CD34: variants seen among roughly 807,000 people sequenced by gnomAD.
CD34 encodes CD34 molecule.
In CD34, 34 loss-of-function variants were observed where a neutral mutation model predicts 40.1. The ratio of observed to expected loss-of-function variants is 0.85; its 90% CI spans 0.65 to 1.13. The LOEUF (loss-of-function observed/expected upper bound fraction) is 1.13, where lower values mean the gene tolerates loss of function less well. Among genes scored for constraint, CD34 ranks in the 50% most tolerant of loss-of-function variants. The pLI is 0.00. For missense variants in CD34, 426 were observed against 466.9 expected (o/e 0.91, Z 0.81); for synonymous variants, 209 against 190.0 (o/e 1.10, Z -0.82).
chr1:207,901,008 T>TC (rs1662262383), intron 1 of CD34, among the ~76,000 whole-genome samples: 1 of 151,206 alleles, frequency 6.6e-6, no homozygotes, highest in Non-Finnish European at 1.5e-5. Context: ...TTTTTTTTTT[T>TC]TTTTTTAAGA....
rs1558117845 is a variant in CD34, at chr1:207,889,620, GC to G, written c.598del (p.Ala200ArgfsTer39). On this transcript the variant is annotated frameshift_variant and splice_region_variant, in exon 5 of 8. Transcript: ENST00000310833. LOFTEE classifies it high-confidence loss of function. ...CTCTCCCCTGTCCTTCTTAAACTCC[GC>G]CTGGGAAGACAGAGAAACATGGAGA... ...CLEQNKTSSCAEFKKDRGEGL... is the reference protein window; with the variant it reads ...CLEQNKTSSCXEFKKDRGEGL... The G allele has an allele frequency of 6.2e-7, 1 of 1,612,202 alleles. No individual in the cohort carries two copies. Among genetic ancestry groups the G allele is most frequent in the Non-Finnish European group, 8.5e-7 (1 of 1,179,190 alleles).
intron 5 of CD34, 121 bp downstream of exon 5, chr1:207,889,344 G>A (rs530615997): frequency 2.6e-6 from 4 of 1,540,812 alleles, no homozygotes; most frequent in East Asian, 4.5e-5. Context: ...CCCAAAGCCA[G>A]CCAAGTCCTT....
In CD34 at chr1:207,888,708, T is replaced by C. The variant is rs373446184; in HGVS notation, c.946A>G (p.Ser316Gly). The change falls in exon 7 of 8, where the codon AGC becomes GGC. Residue 316 changes from serine (S) to glycine (G), a missense_variant. Coordinates refer to ENST00000310833, the MANE Select transcript of CD34 (RefSeq NM_001025109.2). ...AGCCTTTCTCCTGTGGGGCTCCAGCTGCGGCGATTCATCAGGAAATAGCCA... is the reference window on the plus strand; with the variant it reads ...AGCCTTTCTCCTGTGGGGCTCCAGCCGCGGCGATTCATCAGGAAATAGCCA... ...ITGYFLMNRR[S>G]WSPTGERLGE... 6.2e-7 allele frequency: 1 copy of C among 1,614,222 alleles called. No individual in the cohort carries two copies. Among genetic ancestry groups the C allele is most frequent in the Non-Finnish European group, 8.5e-7 (1 of 1,180,038 alleles).
intron 4 of CD34, chr1:207,889,915 C>T: frequency 6.7e-7 from 1 of 1,491,732 alleles, no homozygotes; most frequent in Non-Finnish European, 8.9e-7. Flanking sequence ...TACACATATG[C>T]AAATTAAACT....
In CD34 at chr1:207,899,124, G is replaced by A. The variant is rs754126325; in HGVS notation, c.365C>T (p.Thr122Ile). 1 of 1,614,234 alleles carries A rather than the reference G, an allele frequency of 6.2e-7. No homozygotes were observed. The highest frequency in any genetic ancestry group is 1.1e-5 in the South Asian group (1 of 91,088). ...TGGAGTTGAAACGTTGGCTGGGGTG[G>A]TGAACACTGTGCTGATTACAGAGGT... ...SQTSVISTVFTTPANVSTPET... is the reference protein window; with the variant it reads ...SQTSVISTVFITPANVSTPET... The change falls in exon 3 of 8, where the codon ACC (threonine) becomes ATC (isoleucine). Residue 122 changes from threonine (T) to isoleucine (I), a missense_variant. Thr to Ile is a moderately conservative substitution (Grantham distance 89). Coordinates refer to ENST00000310833, the MANE Select transcript of CD34 (RefSeq NM_001025109.2).
chr1:207,910,858 G>GT, intron 1 of CD34, 144 bp downstream of exon 1: 1 of 817,992 alleles, frequency 1.2e-6, no homozygotes, highest in Non-Finnish European at 1.9e-6. Context: ...TGGCCCCGGG[G>GT]GGAAGCAGCT....
chr1:207,910,859 G>GT, intron 1 of CD34, 143 bp downstream of exon 1: 2 of 823,964 alleles, frequency 2.4e-6, no homozygotes, highest in Non-Finnish European at 3.8e-6. Flanking sequence ...GGCCCCGGGG[G>GT]GAAGCAGCTG....
chr1:207,906,966 C>T (rs959151626), intron 1 of CD34, among the ~76,000 whole-genome samples: 1 of 152,162 alleles, frequency 6.6e-6, no homozygotes, highest in Non-Finnish European at 1.5e-5. Context: ...GTCACCTCTT[C>T]CTCCATTTTA....
chr1:207,910,692 C>T (rs1662490166), intron 1 of CD34, among the ~76,000 whole-genome samples: 5 of 146,330 alleles, frequency 3.4e-5, no homozygotes, highest in Admixed American at 3.3e-4. Context: ...CTCCGCGCCT[C>T]TGGCAACCAG....
In CD34 at chr1:207,888,703, C is replaced by T. The variant is rs1205153556; in HGVS notation, c.951G>A (p.Trp317Ter). ...TGACCAGCCTTTCTCCTGTGGGGCT[C>T]CAGCTGCGGCGATTCATCAGGAAAT... ...TGYFLMNRRS[W>*]SPTGERLGED... The change falls in exon 7 of 8, where the codon TGG (tryptophan) becomes TGA (stop). Residue 317 changes from tryptophan to a stop codon, truncating the protein, a stop_gained. Coordinates refer to ENST00000310833, the MANE Select transcript of CD34 (RefSeq NM_001025109.2). LOFTEE classifies it high-confidence loss of function. The T allele has an allele frequency of 1.2e-6, 2 of 1,614,232 alleles. No individual in the cohort carries two copies. The highest frequency in any genetic ancestry group is 1.7e-6 in the Non-Finnish European group (2 of 1,180,042).
At chr1:207,907,714 T>C (rs1479346674) in intron 1 of CD34, among the ~76,000 whole-genome samples, 1 of 152,220 alleles carries the variant, frequency 6.6e-6, no homozygotes, top group Admixed American at 6.5e-5. Context: ...CTTTCCAACA[T>C]GCACGCATCT....
At chr1:207,903,334 G>A (rs1425785928) in intron 1 of CD34, among the ~76,000 whole-genome samples, 6 of 152,146 alleles carry the variant, frequency 3.9e-5, no homozygotes, top group African/African-American at 1.4e-4. Context: ...AGTAGCAGGA[G>A]CCTACCAGTC....
In CD34 at chr1:207,897,414, GA is replaced by G. The variant is rs1662172102; in HGVS notation, c.597+78del. On this transcript the variant is annotated intron_variant, in intron 4 of 7. Transcript: ENST00000310833. Reference sequence around the variant, plus strand: ...CCTACTCAAATCCAGTGCAATCCAAGAAGGTTTAAGGGTGTTCAGAAGGGAT... The same window carrying G: ...CCTACTCAAATCCAGTGCAATCCAAGAGGTTTAAGGGTGTTCAGAAGGGAT... The G allele has an allele frequency of 5.6e-5, 59 of 1,052,086 alleles. No individual in the cohort carries two copies. The South Asian group carries it at 7.6e-4, about 14-fold the overall frequency. 65.2% of individuals were successfully genotyped at this position (1,052,086 alleles called of 1,614,324 possible).
intron 1 of CD34, among the ~76,000 whole-genome samples, chr1:207,910,686 GC>G (rs1469972772): frequency 6.8e-6 from 1 of 146,534 alleles, no homozygotes; most frequent in Non-Finnish European, 1.5e-5. Flanking sequence ...TTCGCACTCC[GC>G]GCCTCTGGCA....
intron 7 of CD34, chr1:207,888,228 G>T: frequency 1.8e-6 from 2 of 1,142,764 alleles, no homozygotes; most frequent in Non-Finnish European, 2.7e-6. Flanking sequence ...ACCTCCCCAG[G>T]GTAGGGGACA....
intron 4 of CD34, among the ~76,000 whole-genome samples, chr1:207,892,050 C>T (rs1438395813): frequency 6.6e-6 from 1 of 152,102 alleles, no homozygotes; most frequent in Non-Finnish European, 1.5e-5. Context: ...TGCATTATTC[C>T]ACAACCCTCA....
chr1:207,899,964 G>T lies in CD34; in HGVS notation c.119C>A (p.Thr40Asn). ...TGTTCCCTGGGTAGGTAACTCTGGG[G>T]TAGCAGTACCGTTGTTGTCAAGACT... ...FMSLDNNGTATPELPTQGTFS... is the reference protein window; with the variant it reads ...FMSLDNNGTANPELPTQGTFS... The change falls in exon 2 of 8, where the codon ACC (threonine) becomes AAC (asparagine). Residue 40 changes from threonine to asparagine, a missense_variant. Physicochemically the swap from Thr to Asn is moderately conservative, Grantham distance 65. Coordinates refer to ENST00000310833, the MANE Select transcript of CD34 (RefSeq NM_001025109.2). 2 of 1,613,338 alleles carry T rather than the reference G, an allele frequency of 1.2e-6. No individual in the cohort carries two copies. The highest frequency in any genetic ancestry group is 1.7e-6 in the Non-Finnish European group (2 of 1,179,526).
intron 1 of CD34, among the ~76,000 whole-genome samples, chr1:207,905,396 G>A (rs1377030445): frequency 6.6e-5 from 10 of 152,154 alleles, no homozygotes; most frequent in African/African-American, 2.2e-4. Flanking sequence ...TCGGCCTCCC[G>A]AAGTGCTGGG....
At chr1:207,899,352 G>T (rs2724368) in intron 2 of CD34, 126 bp from the exon 3 acceptor site, 2 of 977,570 alleles carry the variant, frequency 2.0e-6, no homozygotes, top group African/African-American at 3.2e-5. Flanking sequence ...CAGTTACTTC[G>T]TGTCCCATCC....
Sources: allele counts gnomAD v4.1 joint callset (sites outside exome capture counted in the v4.1 genomes callset), GRCh38; gene constraint gnomAD v4.1.1; transcripts MANE v1.5; gene names NCBI Gene and HGNC (gene_info 2026-07-23, HGNC 2026-07-21).